Variants in GALNTL6 observed in about 807,000 individuals in gnomAD.
GALNTL6 encodes the protein polypeptide N-acetylgalactosaminyltransferase like 6, also known as polypeptide N-acetylgalactosaminyltransferase-like 6.
In GALNTL6, 46 loss-of-function variants were observed where a neutral mutation model predicts 73.7. The ratio of observed to expected loss-of-function variants is 0.62; its 90% CI spans 0.49 to 0.80. The LOEUF is 0.80. Ranked by LOEUF, GALNTL6 falls within the 30% of genes least tolerant of loss-of-function variation. The pLI is 0.00. For synonymous variants in GALNTL6, 259 were observed against 263.7 expected, an observed-to-expected ratio of 0.98 and a Z score of 0.17; for missense variants, 604 against 755.0, an observed-to-expected ratio of 0.80 and a Z score of 2.34.
At chr4:171,967,784 A>G (rs189313646) in intron 2 of GALNTL6, among the ~76,000 whole-genome samples, 2 of 152,190 alleles carry the variant, frequency 1.3e-5, no homozygotes, top group African/African-American at 4.8e-5. Context: ...AAAGAATAAC[A>G]AATGAAACCC....
At chr4:172,429,149 C>T (rs1172649381) in intron 5 of GALNTL6, among the ~76,000 whole-genome samples, 1 of 123,212 alleles carries the variant, frequency 8.1e-6, no homozygotes, top group Non-Finnish European at 1.8e-5. Context: ...TCCCCAAAGC[C>T]CCACCTCTTT....
chr4:172,457,226 C>T (rs376163733), intron 5 of GALNTL6, among the ~76,000 whole-genome samples: 1 of 150,156 alleles, frequency 6.7e-6, no homozygotes, highest in Non-Finnish European at 1.5e-5. Context: ...AAAAAAAAAA[C>T]CCAAAAAAAC....
intron 2 of GALNTL6, among the ~76,000 whole-genome samples, chr4:171,917,042 C>A (rs1578969705): frequency 6.6e-6 from 1 of 152,206 alleles, no homozygotes; most frequent in African/African-American, 2.4e-5. Flanking sequence ...CCCCGTGTAT[C>A]TCTTCAGGGC....
intron 5 of GALNTL6, among the ~76,000 whole-genome samples, chr4:172,465,244 G>A (rs1309186390): frequency 1.3e-5 from 2 of 152,148 alleles, no homozygotes; most frequent in African/African-American, 2.4e-5. Flanking sequence ...TGGGGAGGCC[G>A]AGGCAGGTGG....
chr4:172,562,811 T>TACC, intron 5 of GALNTL6, among the ~76,000 whole-genome samples: 1 of 152,326 alleles, frequency 6.6e-6, no homozygotes, highest in Middle Eastern at 3.4e-3. Context: ...CAGAGTTTGC[T>TACC]ACCACCACCA....
At chr4:172,945,020 T>C (rs113419288) in intron 9 of GALNTL6, among the ~76,000 whole-genome samples, 5,980 of 146,866 alleles carry the variant, frequency 0.041, 152 homozygotes, top group African/African-American at 0.068. Context: ...ATCACACCAT[T>C]GCACTCCAGC....
At chr4:171,827,721 T>C (rs190725788) in intron 2 of GALNTL6, among the ~76,000 whole-genome samples, 1 of 152,186 alleles carries the variant, frequency 6.6e-6, no homozygotes, top group Non-Finnish European at 1.5e-5. Context: ...GTAACCTGGA[T>C]ACTATTCCAG....
intron 5 of GALNTL6, among the ~76,000 whole-genome samples, chr4:172,637,297 C>G (rs1420483931): frequency 3.3e-5 from 5 of 151,974 alleles, no homozygotes; most frequent in Non-Finnish European, 5.9e-5. Context: ...AAAATTTATA[C>G]TAAAAATATT....
intron 2 of GALNTL6, among the ~76,000 whole-genome samples, chr4:172,143,750 A>G (rs928767186): frequency 6.6e-6 from 1 of 152,022 alleles, no homozygotes; most frequent in Non-Finnish European, 1.5e-5. Context: ...ACCATGAGTC[A>G]TCTTATTTTT....
chr4:172,420,347 C>T (rs1561075055), intron 5 of GALNTL6, among the ~76,000 whole-genome samples: 1 of 152,142 alleles, frequency 6.6e-6, no homozygotes, highest in South Asian at 2.1e-4. Context: ...ATAAAAAGTC[C>T]CGTATTGGGA....
At chr4:172,888,523 TC>T (rs1429701246) in intron 8 of GALNTL6, among the ~76,000 whole-genome samples, 2 of 152,130 alleles carry the variant, frequency 1.3e-5, no homozygotes, top group Non-Finnish European at 2.9e-5. Flanking sequence ...AGTTCTCTTC[TC>T]ATTGCTTATT....
intron 5 of GALNTL6, among the ~76,000 whole-genome samples, chr4:172,775,046 A>G (rs989191372): frequency 6.6e-6 from 1 of 151,690 alleles, no homozygotes; most frequent in Non-Finnish European, 1.5e-5. Flanking sequence ...AGAGATTGTA[A>G]CAATAGTTGG....
Position 172,069,206 on chromosome 4 carries a change from T to C in GALNTL6, c.139-160450T>C, listed in dbSNP as rs1381278038. On this transcript the variant is annotated intron_variant, in intron 2 of 12. Coordinates refer to ENST00000506823, the MANE Select transcript of GALNTL6 (RefSeq NM_001034845.3). Reference sequence around the variant, plus strand: ...GAATATGCAATTTTTTCCTATGTATTGATAACCTAGGTCATTAAAGATGAT... The same window carrying C: ...GAATATGCAATTTTTTCCTATGTATCGATAACCTAGGTCATTAAAGATGAT... Among the ~76,000 whole-genome samples the C allele has an allele frequency of 2.3e-4, 25 of 108,244 alleles. 8 individuals are homozygous for C. 71.0% of individuals were successfully genotyped at this position (108,244 alleles called of 152,430 possible). A position where few individuals can be genotyped will look rare whatever the true frequency, so the allele number is the denominator to read the frequency against.
chr4:171,850,534 A>G (rs1279250997), intron 2 of GALNTL6, among the ~76,000 whole-genome samples: 1 of 143,572 alleles, frequency 7.0e-6, no homozygotes, highest in African/African-American at 2.6e-5. Flanking sequence ...CTAAATAAAA[A>G]GGAAAACCTT....
At chr4:171,865,446 T>C (rs931791143) in intron 2 of GALNTL6, among the ~76,000 whole-genome samples, 10 of 152,110 alleles carry the variant, frequency 6.6e-5, no homozygotes, top group South Asian at 2.1e-4. Context: ...AAAATATAAA[T>C]TTCAAAATTA....
At chr4:172,681,726 A>G (rs966784426) in intron 5 of GALNTL6, among the ~76,000 whole-genome samples, 4 of 152,208 alleles carry the variant, frequency 2.6e-5, no homozygotes, top group African/African-American at 9.6e-5. Flanking sequence ...AAATATAACT[A>G]TTATGTTTCA....
intron 5 of GALNTL6, among the ~76,000 whole-genome samples, chr4:172,705,985 C>A (rs930207876): frequency 1.3e-5 from 2 of 151,832 alleles, no homozygotes. Flanking sequence ...GATCTTTGAC[C>A]TTACTATACC....
At chr4:172,192,970 G>A (rs1023320314) in intron 2 of GALNTL6, among the ~76,000 whole-genome samples, 2 of 152,138 alleles carry the variant, frequency 1.3e-5, no homozygotes, top group Non-Finnish European at 2.9e-5. Flanking sequence ...CTTCCCTGTG[G>A]GAATTTCAGA....
chr4:172,417,382 CA>C (rs1730883286), intron 5 of GALNTL6, among the ~76,000 whole-genome samples: 1 of 152,034 alleles, frequency 6.6e-6, no homozygotes, highest in Non-Finnish European at 1.5e-5. Flanking sequence ...TATCTTTTTT[CA>C]AATAAAATTT....
Sources: allele counts gnomAD v4.1 joint callset (sites outside exome capture counted in the v4.1 genomes callset), GRCh38; gene constraint gnomAD v4.1.1; transcripts MANE v1.5; gene names NCBI Gene and HGNC (gene_info 2026-07-23, HGNC 2026-07-21).